PDGFRA: variants seen among roughly 807,000 people sequenced by gnomAD.
PDGFRA encodes platelet derived growth factor receptor alpha.
In PDGFRA, 25 loss-of-function variants were observed where a neutral mutation model predicts 121.5. The ratio of observed to expected loss-of-function variants is 0.21; its 90% confidence interval spans 0.15 to 0.29. The LOEUF is 0.29. Among genes scored for constraint, PDGFRA ranks in the 10% least tolerant of loss-of-function variants. The probability of loss-of-function intolerance (pLI) is 1.00; values close to 1 mark genes in which losing one functional copy is unlikely to be tolerated. For missense variants in PDGFRA, 1,008 were observed against 1,345.1 expected (o/e 0.75, Z 3.92); for synonymous variants, 463 against 494.8 (o/e 0.94, Z 0.85).
chr4:54,264,843 A>C, intron 4 of PDGFRA, 76 bp from the exon 5 acceptor site: 7 of 1,428,288 alleles, frequency 4.9e-6, no homozygotes, highest in Non-Finnish European at 6.7e-6. Context: ...TTAAAAAAAA[A>C]AAAAAAAACC....
intron 16 of PDGFRA, among the ~76,000 whole-genome samples, chr4:54,284,558 GAGAGAC>G (rs1359382301): frequency 0.1 from 1,536 of 15,190 alleles, 25 homozygotes; most frequent in Middle Eastern, 0.38. Flanking sequence ...GCAAGTGAGA[GAGAGAC>G]AGAGAGAGAG....
chr4:54,238,707 T>C (rs1721138759), intron 1 of PDGFRA, among the ~76,000 whole-genome samples: 1 of 152,212 alleles, frequency 6.6e-6, no homozygotes, highest in South Asian at 2.1e-4. Flanking sequence ...GGCTCATTCC[T>C]GTAATCATAG....
At position 54,278,913 on chromosome 4, in the gene PDGFRA, C is replaced by T. The variant is rs115183558; in HGVS notation, c.2156+398C>T. ...TTGCTGAACCTGGACCTATAAATGA[C>T]GTCAATGATAGTGATCCCTACTGCA... On this transcript the variant is annotated intron_variant, in intron 15 of 22. Coordinates refer to ENST00000257290, the MANE Select transcript of PDGFRA (RefSeq NM_006206.6). The T allele has an allele frequency of 2.0e-3, 910 of 461,660 alleles. 5 individuals carry two copies. The highest frequency in any genetic ancestry group is 0.014 in the African/African-American group (703 of 50,446). The allele number at this position is 461,660 out of a possible 1,614,324, so 28.6% of individuals were successfully genotyped here.
intron 1 of PDGFRA, among the ~76,000 whole-genome samples, chr4:54,255,135 ACCTCTCTGAG>A (rs775097127): frequency 2.6e-5 from 4 of 151,936 alleles, no homozygotes; most frequent in Admixed American, 6.6e-5. Flanking sequence ...CATTTGCGAA[ACCTCTCTGAG>A]CCTCAACTGC....
chr4:54,244,501 G>A (rs953027098), intron 1 of PDGFRA, among the ~76,000 whole-genome samples: 8 of 152,216 alleles, frequency 5.3e-5, no homozygotes, highest in African/African-American at 1.9e-4. Flanking sequence ...ACCTGCAGCT[G>A]AGGATCCTGT....
At chr4:54,241,476 T>C (rs1721293511) in intron 1 of PDGFRA, among the ~76,000 whole-genome samples, 1 of 152,066 alleles carries the variant, frequency 6.6e-6, no homozygotes, top group Non-Finnish European at 1.5e-5. Flanking sequence ...CAAGAGAATT[T>C]ATTAAAATTT....
chr4:54,260,397 G>GTTTTTTTTT (rs68009440), intron 2 of PDGFRA, among the ~76,000 whole-genome samples: 4 of 64,562 alleles, frequency 6.2e-5, no homozygotes, highest in African/African-American at 2.7e-4. Context: ...TTCCATGTGG[G>GTTTTTTTTT]TTTTTTTTTT....
chr4:54,267,838 C>G (rs1376577297), intron 7 of PDGFRA, 97 bp downstream of exon 7: 1 of 936,760 alleles, frequency 1.1e-6, no homozygotes, highest in Non-Finnish European at 1.7e-6. Context: ...CAAAGTCAGT[C>G]TAGAAAATGT....
At chr4:54,275,974 G>A (rs1401785996) in intron 12 of PDGFRA, among the ~76,000 whole-genome samples, 2 of 152,208 alleles carry the variant, frequency 1.3e-5, no homozygotes, top group Non-Finnish European at 2.9e-5. Flanking sequence ...GACTGCCTTT[G>A]CGGGACTAAC....
At chr4:54,273,451 T>C in intron 9 of PDGFRA, 86 bp from the exon 10 acceptor site, 1 of 1,063,752 alleles carries the variant, frequency 9.4e-7, no homozygotes, top group South Asian at 1.3e-5. Context: ...TCCCAACTCC[T>C]TGCCATCTTA....
At chr4:54,281,784 ACCC>A in intron 16 of PDGFRA, 1 of 1,311,086 alleles carries the variant, frequency 7.6e-7, no homozygotes. Flanking sequence ...TTCCTCGAAA[ACCC>A]TGGGACCCTT....
In PDGFRA at chr4:54,267,638, C is replaced by A. The variant is rs376626935; in HGVS notation, c.1018C>A (p.Arg340=). Residue 340 remains arginine, a synonymous_variant, in exon 7 of 23, where the codon CGG becomes AGG. Transcript: ENST00000257290. ...HEVKHFVVEV[R]AYPPPRISWL... is the part of the protein sequence containing the mutation. Reference sequence around the variant, plus strand: ...AGTCAAACATTTTGTTGTAGAGGTGCGGGCCTACCCACCTCCCAGGATATC... The same window carrying A: ...AGTCAAACATTTTGTTGTAGAGGTGAGGGCCTACCCACCTCCCAGGATATC... 1.1e-5 allele frequency: 17 copies of A among 1,613,564 alleles called. No homozygotes were observed. The highest frequency in any genetic ancestry group is 1.3e-5 in the Non-Finnish European group (15 of 1,179,618).
At chr4:54,265,975 CT>C (rs1207800820) in intron 5 of PDGFRA, among the ~76,000 whole-genome samples, 1 of 152,206 alleles carries the variant, frequency 6.6e-6, no homozygotes, top group Admixed American at 6.5e-5. Context: ...TTTGCCGCTG[CT>C]TTTCATTTGT....
chr4:54,290,653 T>C, intron 22 of PDGFRA, 99 bp downstream of exon 22: 3 of 1,360,332 alleles, frequency 2.2e-6, no homozygotes, highest in Non-Finnish European at 3.1e-6. Flanking sequence ...TCCCGGTTGG[T>C]AAATATGTAC....
chr4:54,275,525 G>C (rs939799835), intron 12 of PDGFRA, among the ~76,000 whole-genome samples: 4 of 152,122 alleles, frequency 2.6e-5, no homozygotes, highest in Non-Finnish European at 4.4e-5. Context: ...TTAGTCCAAG[G>C]GAGTATTTCT....
intron 1 of PDGFRA, among the ~76,000 whole-genome samples, chr4:54,241,054 CA>C (rs1721270210): frequency 6.6e-6 from 1 of 152,146 alleles, no homozygotes; most frequent in Non-Finnish European, 1.5e-5. Flanking sequence ...AAGCATTTCT[CA>C]AGCTCATGTA....
In PDGFRA at chr4:54,274,632, A is replaced by G. The variant is rs2110297192; in HGVS notation, c.1653+7A>G. ...GGTTGTCATTTGGAAACAGGTAGAT[A>G]TTTTCTCATAAAACTAAAGATCTTT... On this transcript the variant is annotated splice_region_variant and intron_variant, in intron 11 of 22. Transcript: ENST00000257290. The G allele has an allele frequency of 1.3e-6, 2 of 1,599,424 alleles. No individual in the cohort carries two copies. The highest frequency in any genetic ancestry group is 1.1e-5 in the South Asian group (1 of 90,800).
At position 54,295,463 on chromosome 4, in the gene PDGFRA, T is replaced by C. The variant is rs1376060560; in HGVS notation, c.*191T>C. On this transcript the variant is annotated 3_prime_UTR_variant, in exon 23 of 23. Coordinates refer to ENST00000257290, the MANE Select transcript of PDGFRA (RefSeq NM_006206.6). ...TATTTTGAAATGAACTTTGTCAGTGTTGCCTCTTGCAATGCCTCAGTAGCA... is the reference window on the plus strand; with the variant it reads ...TATTTTGAAATGAACTTTGTCAGTGCTGCCTCTTGCAATGCCTCAGTAGCA... 1.7e-6 allele frequency: 1 copy of C among 598,100 alleles called. No homozygotes were observed. The highest frequency in any genetic ancestry group is 3.0e-6 in the Non-Finnish European group (1 of 335,742). 37.0% of individuals were successfully genotyped at this position (598,100 alleles called of 1,614,324 possible). A position where few individuals can be genotyped will look rare whatever the true frequency, so the allele number is the denominator to read the frequency against.
intron 22 of PDGFRA, among the ~76,000 whole-genome samples, chr4:54,291,916 C>T (rs1172377166): frequency 1.3e-5 from 2 of 151,956 alleles, no homozygotes; most frequent in Non-Finnish European, 2.9e-5. Flanking sequence ...GAACATCTGG[C>T]ACATATACAC....
Sources: gnomAD v4.1 joint callset for allele counts (sites outside exome capture counted in the v4.1 genomes callset) on GRCh38, gnomAD v4.1.1 for gene constraint, MANE v1.5 for transcripts, NCBI Gene and HGNC (gene_info 2026-07-23, HGNC 2026-07-21) for gene names.